Variants in STX1B observed in about 807,000 individuals in gnomAD.
STX1B encodes the protein syntaxin-1B.
A neutral mutation model predicts 39.4 loss-of-function variants in STX1B; 7 were observed. That is an observed-to-expected ratio of 0.18 (90% CI 0.10 to 0.33). STX1B has a LOEUF of 0.33. Ranked by LOEUF, STX1B falls within the 10% of genes least tolerant of loss-of-function variation. The probability of loss-of-function intolerance (pLI) is 1.00; values close to 1 mark genes in which losing one functional copy is unlikely to be tolerated. For synonymous variants in STX1B, 136 were observed against 144.1 expected (o/e 0.94, Z 0.40); for missense variants, 198 against 383.2 (o/e 0.52, Z 4.04).
At chr16:31,006,362 C>T (rs55731737) in intron 1 of STX1B, among the ~76,000 whole-genome samples, 4 of 152,090 alleles carry the variant, frequency 2.6e-5, no homozygotes, top group Non-Finnish European at 5.9e-5. Flanking sequence ...CCCCCTGCCC[C>T]TTTCTCATCC....
intron 1 of STX1B, among the ~76,000 whole-genome samples, chr16:31,002,194 C>T (rs1043402170): frequency 3.9e-5 from 6 of 151,970 alleles, no homozygotes; most frequent in African/African-American, 1.2e-4. Flanking sequence ...CACTCTCCCT[C>T]CCCTCCCAGC....
intron 1 of STX1B, among the ~76,000 whole-genome samples, chr16:31,007,659 T>G (rs1357627269): frequency 2.0e-5 from 3 of 152,192 alleles, no homozygotes; most frequent in Non-Finnish European, 2.9e-5. Flanking sequence ...AGTCAGGTTT[T>G]TTTTACCCCC....
At chr16:30,993,621 C>A in intron 7 of STX1B, 137 bp from the exon 8 acceptor site, 1 of 962,034 alleles carries the variant, frequency 1.0e-6, no homozygotes, top group Non-Finnish European at 1.5e-6. Flanking sequence ...CTCTTGGCCT[C>A]AGTTTCCCCA....
chr16:30,996,576 C>T, intron 7 of STX1B, 107 bp downstream of exon 7: 1 of 1,021,360 alleles, frequency 9.8e-7, no homozygotes. Flanking sequence ...CTCAGGCTTC[C>T]CGCTGCTCAT....
intron 7 of STX1B, among the ~76,000 whole-genome samples, chr16:30,994,799 G>C (rs1385322492): frequency 2.0e-5 from 3 of 149,610 alleles, no homozygotes. Context: ...TCAAGGCCCA[G>C]ACTCCCTCTC....
chr16:30,996,546 T>TG, intron 7 of STX1B, 137 bp downstream of exon 7: 1 of 776,940 alleles, frequency 1.3e-6, no homozygotes, highest in Non-Finnish European at 2.1e-6. Flanking sequence ...TCCGCTCCCA[T>TG]GGAATTCCCC....
chr16:30,995,910 T>C (rs1005483054), intron 7 of STX1B, among the ~76,000 whole-genome samples: 3 of 152,176 alleles, frequency 2.0e-5, no homozygotes, highest in African/African-American at 7.2e-5. Flanking sequence ...GATTCGGTGG[T>C]TCACGTCTGT....
chr16:31,001,567 C>A lies in STX1B; in HGVS notation c.67G>T (p.Val23Leu), dbSNP rs769729036. The A allele has an allele frequency of 6.2e-7, 1 of 1,613,378 alleles. No homozygotes were observed. The highest frequency in any genetic ancestry group is 2.2e-5 in the East Asian group (1 of 44,878). The change falls in exon 2 of 10, where the codon GTG becomes TTG. Residue 23 changes from valine (V) to leucine (L), a missense_variant. Physicochemically the swap from Val to Leu is conservative, Grantham distance 32 (BLOSUM62 1). Transcript: ENST00000215095. This position sits in a 1 kb window ranked among gnomAD's most constrained non-coding sequence, Gnocchi z 5.5. The part of the protein sequence containing the change: ...DSDDEEEVVH[V>L]DRDHFMDEFF... ...TCATCCATGAAGTGGTCCCGATCCA[C>A]GTGGACCACCTCCTCTTCATCATCA... is the stretch of plus-strand genomic sequence containing the variant.
At chr16:30,997,084 C>T (rs1005751444) in intron 5 of STX1B, 25 bp from the exon 6 acceptor site, 23 of 1,529,808 alleles carry the variant, frequency 1.5e-5, no homozygotes, top group Middle Eastern at 3.4e-4. Context: ...GGGGGACAGA[C>T]GGATCAGGGA....
chr16:30,999,204 A>C (rs926136549), intron 4 of STX1B, among the ~76,000 whole-genome samples: 3 of 152,146 alleles, frequency 2.0e-5, no homozygotes, highest in African/African-American at 7.2e-5. Flanking sequence ...ATGCTCCCAG[A>C]TTCAGACAGT....
chr16:31,006,108 C>T (rs1418683936), intron 1 of STX1B, among the ~76,000 whole-genome samples: 5 of 152,082 alleles, frequency 3.3e-5, no homozygotes, highest in African/African-American at 4.8e-5. Context: ...AGAGAGTGTG[C>T]GTGTGTGTAC....
chr16:31,001,283 A>C lies in STX1B; in HGVS notation c.106-90T>G. On this transcript the variant is annotated intron_variant, in intron 2 of 9. Transcript: ENST00000215095. This position sits in a 1 kb window ranked among gnomAD's most constrained non-coding sequence, Gnocchi z 5.5. ...CAGCCAGGGTTCAGGGGAATGGACC[A>C]GCCCCAGAACGGCTGATAAAAGGCC... 7.7e-7 allele frequency: 1 copy of C among 1,300,188 alleles called. No individual in the cohort carries two copies. Among genetic ancestry groups the C allele is most frequent in the Admixed American group, 1.8e-5 (1 of 54,572 alleles). The allele number at this position is 1,300,188 out of a possible 1,614,324, so 80.5% of individuals were successfully genotyped here.
intron 7 of STX1B, 106 bp downstream of exon 7, chr16:30,996,577 C>G (rs2056593224): frequency 9.7e-7 from 1 of 1,032,154 alleles, no homozygotes; most frequent in East Asian, 2.4e-5. Flanking sequence ...TCAGGCTTCC[C>G]GCTGCTCATT....
At chr16:31,000,632 C>T (rs541247186) in intron 4 of STX1B, among the ~76,000 whole-genome samples, 2 of 152,214 alleles carry the variant, frequency 1.3e-5, no homozygotes, top group East Asian at 1.9e-4. Context: ...GCTGGGATTA[C>T]AGGCGCCCGC....
At chr16:30,994,892 C>CTTTTTTTTTTTTTTTTTT (rs10524041) in intron 7 of STX1B, among the ~76,000 whole-genome samples, 4 of 99,830 alleles carry the variant, frequency 4.0e-5, no homozygotes, top group East Asian at 5.4e-4. Flanking sequence ...GTCTCCCCGT[C>CTTTTTTTTTTTTTTTTTT]TTTTTTTTTT....
chr16:30,998,859 C>T (rs1053182726), intron 4 of STX1B, among the ~76,000 whole-genome samples: 3 of 152,094 alleles, frequency 2.0e-5, no homozygotes, highest in African/African-American at 7.2e-5. Context: ...AACCATTGAG[C>T]CCAGGGGATT....
intron 7 of STX1B, among the ~76,000 whole-genome samples, chr16:30,995,697 G>C (rs1017469110): frequency 1.1e-4 from 17 of 151,668 alleles, no homozygotes; most frequent in African/African-American, 3.6e-4. Flanking sequence ...TGCCATGTTG[G>C]CCAGGCTGGT....
chr16:30,997,533 G>C lies in STX1B; in HGVS notation c.323C>G (p.Ser108Cys), dbSNP rs762294692. The stretch of plus-strand genomic sequence containing the variant: ...CTTGCGGATGCGCAGGTCCGCGGAG[G>C]AACGGTTCAGCCCCTCCTCCTGTTC... Reference protein sequence around the residue: ...SIEQEEGLNRSSADLRIRKTQ... With the variant: ...SIEQEEGLNRCSADLRIRKTQ... The change falls in exon 5 of 10, where the codon TCC (serine) becomes TGC (cysteine). Residue 108 changes from serine (S) to cysteine (C), a missense_variant. Transcript: ENST00000215095. 6.2e-7 allele frequency: 1 copy of C among 1,610,372 alleles called. No homozygotes were observed. The highest frequency in any genetic ancestry group is 8.5e-7 in the Non-Finnish European group (1 of 1,178,802).
Position 31,010,434 on chromosome 16 carries a change from C to A in STX1B, c.-38G>T. 2.2e-6 allele frequency: 3 copies of A among 1,384,858 alleles called. No homozygotes were observed. Among genetic ancestry groups the A allele is most frequent in the Non-Finnish European group, 2.9e-6 (3 of 1,051,042 alleles). 85.8% of individuals were successfully genotyped at this position (1,384,858 alleles called of 1,614,324 possible). On this transcript the variant is annotated 5_prime_UTR_variant, in exon 1 of 10. Coordinates refer to ENST00000215095, the MANE Select transcript of STX1B (RefSeq NM_052874.5). ...CCTCCTCCTCCTCCTAGTCCTCCTG[C>A]CTCTGCTGCTGCTCCGGGTCTCCCG...
Sources: allele counts gnomAD v4.1 joint callset (sites outside exome capture counted in the v4.1 genomes callset), GRCh38; gene constraint gnomAD v4.1.1; non-coding constraint Gnocchi (gnomAD v3.1); transcripts MANE v1.5; gene names NCBI Gene and HGNC (gene_info 2026-07-23, HGNC 2026-07-21).